The following DMD variants were observed in gnomAD, a reference collection of about 807,000 sequenced individuals.
DMD encodes the protein mutant dystrophin.
In DMD, 63 loss-of-function variants were observed where a neutral mutation model predicts 330.1. The ratio of observed to expected loss-of-function variants is 0.19; its 90% CI spans 0.16 to 0.24. The LOEUF (loss-of-function observed/expected upper bound fraction) is 0.24, where lower values mean the gene tolerates loss of function less well. Ranked by LOEUF, DMD falls within the 10% of genes least tolerant of loss-of-function variation. The pLI is 1.00. For missense variants in DMD, 3,344 were observed against 2,684.1 expected (o/e 1.25, Z -5.43); for synonymous variants, 1,223 against 959.8 (o/e 1.27, Z -5.07).
intron 42 of DMD, among the ~76,000 whole-genome samples, chrX:32,295,595 T>C (rs1268355047): frequency 8.9e-6 from 1 of 112,481 alleles, no homozygotes. Context: ...CAGAAATAAT[T>C]TGAACATAAA....
At chrX:33,292,075 G>A (rs1254122965) in intron 1 of DMD, among the ~76,000 whole-genome samples, 4 of 111,121 alleles carry the variant, frequency 3.6e-5, no homozygotes, top group Admixed American at 9.6e-5. Flanking sequence ...ACCACGGTGG[G>A]TTTGTTTTCA....
At chrX:32,531,304 T>A (rs946009997) in intron 17 of DMD, among the ~76,000 whole-genome samples, 1 of 111,634 alleles carries the variant, frequency 9.0e-6, no homozygotes, top group Non-Finnish European at 1.9e-5. Flanking sequence ...TTAGTTCAAA[T>A]AATTTAGTAA....
intron 44 of DMD, among the ~76,000 whole-genome samples, chrX:32,135,148 A>T (rs1180058500): frequency 8.9e-6 from 1 of 112,229 alleles, no homozygotes; most frequent in African/African-American, 3.2e-5. Context: ...TCCCCAAACT[A>T]AAAGGTATCC....
chrX:31,943,039 AC>A (rs2095027796), intron 45 of DMD, among the ~76,000 whole-genome samples: 2 of 112,283 alleles, frequency 1.8e-5, no homozygotes. Flanking sequence ...AGTTGTGCTC[AC>A]CACCTGTTTT....
intron 53 of DMD, among the ~76,000 whole-genome samples, chrX:31,676,020 T>A (rs2072448186): frequency 8.9e-6 from 1 of 111,790 alleles, no homozygotes; most frequent in African/African-American, 3.2e-5. Flanking sequence ...GTGTTGGTGG[T>A]TGGGTTTGAA....
intron 1 of DMD, among the ~76,000 whole-genome samples, chrX:33,314,617 A>C (rs1434381308): frequency 1.0e-5 from 1 of 98,186 alleles, no homozygotes; most frequent in African/African-American, 3.8e-5. Flanking sequence ...ACTAAAACCA[A>C]GGTGTCAATG....
At chrX:32,795,612 T>A (rs777282114) in intron 7 of DMD, among the ~76,000 whole-genome samples, 3 of 111,606 alleles carry the variant, frequency 2.7e-5, no homozygotes, top group African/African-American at 9.8e-5. Context: ...AAATAGATAA[T>A]TGGGACTGTA....
chrX:33,169,673 T>C (rs2049237769), intron 1 of DMD, among the ~76,000 whole-genome samples: 1 of 111,789 alleles, frequency 8.9e-6, no homozygotes, highest in Non-Finnish European at 1.9e-5. Context: ...CTTTTAAAAT[T>C]ATTTTTATTT....
intron 7 of DMD, among the ~76,000 whole-genome samples, chrX:32,730,761 C>T (rs181022009): frequency 9.0e-6 from 1 of 111,378 alleles, no homozygotes; most frequent in East Asian, 2.8e-4. Context: ...AGTGTGGAGG[C>T]TATGTATTCA....
At chrX:31,845,991 T>C (rs778150162) in intron 48 of DMD, among the ~76,000 whole-genome samples, 5 of 110,865 alleles carry the variant, frequency 4.5e-5, no homozygotes, top group African/African-American at 1.6e-4. Context: ...CTGAAGAGGA[T>C]AGAGCCAGAA....
At chrX:31,380,961 T>C (rs1352286326) in intron 60 of DMD, among the ~76,000 whole-genome samples, 3 of 110,954 alleles carry the variant, frequency 2.7e-5, no homozygotes, top group Non-Finnish European at 5.7e-5. Context: ...ACACACGTGC[T>C]CTCCCTGCTG....
chrX:31,322,159 A>C (rs2056474024), intron 62 of DMD, among the ~76,000 whole-genome samples: 1 of 112,079 alleles, frequency 8.9e-6, no homozygotes, highest in African/African-American at 3.2e-5. Context: ...AATTGGATAA[A>C]AGTGAGAGCT....
At chrX:32,427,179 A>G (rs188750281) in intron 29 of DMD, among the ~76,000 whole-genome samples, 156 of 111,922 alleles carry the variant, frequency 1.4e-3, no homozygotes, top group African/African-American at 4.5e-3. Context: ...AAAGACAAGA[A>G]TCAAAGTTCA....
intron 20 of DMD, among the ~76,000 whole-genome samples, chrX:32,490,049 C>T (rs1394324251): frequency 8.9e-6 from 1 of 112,148 alleles, no homozygotes; most frequent in Non-Finnish European, 1.9e-5. Flanking sequence ...TTAAGTCCTT[C>T]AATTGTTTTT....
At chrX:32,543,488 T>G (rs764394730) in intron 17 of DMD, among the ~76,000 whole-genome samples, 1 of 111,919 alleles carries the variant, frequency 8.9e-6, no homozygotes, top group Non-Finnish European at 1.9e-5. Flanking sequence ...TCCCTATTAC[T>G]CTGTTTGGAG....
intron 44 of DMD, among the ~76,000 whole-genome samples, chrX:32,113,342 G>A (rs2096596800): frequency 8.9e-6 from 1 of 112,563 alleles, no homozygotes; most frequent in African/African-American, 3.2e-5. Flanking sequence ...AATGGTAAAT[G>A]TTTGAGGTGA....
chrX:32,825,553 T>A (rs775190737), intron 4 of DMD, among the ~76,000 whole-genome samples: 1 of 112,157 alleles, frequency 8.9e-6, no homozygotes, highest in African/African-American at 3.2e-5. Context: ...AAAACAGAGA[T>A]TAAGATATTG....
At chrX:31,541,653 A>G (rs2147636325) in intron 55 of DMD, among the ~76,000 whole-genome samples, 1 of 110,291 alleles carries the variant, frequency 9.1e-6, no homozygotes, top group South Asian at 4.0e-4. Context: ...CCACGTCCCT[A>G]CAAAGGACTT....
At chrX:32,561,182 T>C (rs1249127191) in intron 16 of DMD, among the ~76,000 whole-genome samples, 1 of 111,440 alleles carries the variant, frequency 9.0e-6, no homozygotes, top group Non-Finnish European at 1.9e-5. Flanking sequence ...GAAGTAGGCT[T>C]CAAAGGTGGA....
Sources: gnomAD v4.1 joint callset for allele counts (sites outside exome capture counted in the v4.1 genomes callset) on GRCh38, gnomAD v4.1.1 for gene constraint, MANE v1.5 for transcripts, NCBI Gene and HGNC (gene_info 2026-07-23, HGNC 2026-07-21) for gene names.